PMFBP1: variants seen among roughly 807,000 people sequenced by gnomAD.
The protein encoded by PMFBP1 is polyamine modulated factor 1 binding protein 1.
PMFBP1 carries 131 observed loss-of-function variants against 137.8 expected under a neutral mutation model. That is an observed-to-expected ratio of 0.95 (90% confidence interval 0.82 to 1.10). PMFBP1 has a LOEUF of 1.10. Among genes scored for constraint, PMFBP1 ranks in the 50% least tolerant of loss-of-function variants. The pLI is 0.00. For synonymous variants in PMFBP1, 490 were observed against 450.4 expected (o/e 1.09, Z -1.11); for missense variants, 1,199 against 1,175.4 (o/e 1.02, Z -0.29).
At chr16:72,119,544 T>TA in intron 20 of PMFBP1, 190 bp from the exon 21 acceptor site, 1 of 1,461,870 alleles carries the variant, frequency 6.8e-7, no homozygotes, top group East Asian at 2.5e-5. Context: ...GGGGTGCTCT[T>TA]ACGGGGTTTC....
the PMFBP1 span, among the ~76,000 whole-genome samples, chr16:72,207,815 G>A: frequency 6.6e-6 from 1 of 151,668 alleles, no homozygotes; most frequent in Non-Finnish European, 1.5e-5. Context: ...TGAATATGAA[G>A]GCTAAGTCCC....
intron 3 of PMFBP1, among the ~76,000 whole-genome samples, chr16:72,161,629 A>G (rs1337206639): frequency 6.6e-6 from 1 of 152,134 alleles, no homozygotes; most frequent in Non-Finnish European, 1.5e-5. Flanking sequence ...GAGAGTTCCC[A>G]TATGTTCTTC....
chr16:72,210,055 T>C, the PMFBP1 span, among the ~76,000 whole-genome samples: 1 of 152,222 alleles, frequency 6.6e-6, no homozygotes, highest in Non-Finnish European at 1.5e-5. Flanking sequence ...CTTGTTCTCA[T>C]ACCCCTGTCT....
At chr16:72,198,246 C>A in the PMFBP1 span, among the ~76,000 whole-genome samples, 1 of 152,152 alleles carries the variant, frequency 6.6e-6, no homozygotes, top group South Asian at 2.1e-4. Context: ...AATACTAACA[C>A]ATCATAGAGT....
the PMFBP1 span, among the ~76,000 whole-genome samples, chr16:72,244,607 A>C: frequency 6.6e-6 from 1 of 152,204 alleles, no homozygotes; most frequent in Admixed American, 6.5e-5. Flanking sequence ...GTTAAGACAA[A>C]GGGCCACATC....
intron 2 of PMFBP1, among the ~76,000 whole-genome samples, chr16:72,169,224 A>G (rs866520438): frequency 6.6e-6 from 1 of 152,180 alleles, no homozygotes; most frequent in Non-Finnish European, 1.5e-5. Context: ...TTTAACCACC[A>G]CTAATATCAC....
rs144847522 is a variant in PMFBP1, at chr16:72,125,299, A to T, written c.2360T>A (p.Met787Lys). ...TCTTAATTCCGTATTGAGCTTTTTC[A>T]TCCTTTCCTCATAAGCAATGATTTC... ...EEEIIAYEER[M>K]KKLNTELRKL... Residue 787 changes from methionine (M) to lysine (K), a missense_variant, in exon 16 of 21, where the codon ATG becomes AAG. Transcript: ENST00000237353. The T allele has an allele frequency of 4.3e-6, 7 of 1,613,994 alleles. No homozygotes were observed. In the South Asian group the frequency reaches 6.6e-5, roughly 15 times the overall value.
rs1379863745 is a variant in PMFBP1 at position 72,136,748 on chromosome 16, C to A, written c.990G>T (p.Lys330Asn). The A allele has an allele frequency of 6.2e-6, 10 of 1,614,204 alleles. No individual in the cohort carries two copies. Among genetic ancestry groups the A allele is most frequent in the Non-Finnish European group, 1.7e-6 (2 of 1,180,030 alleles). ...LHVEEYQNLV[K>N]DLRVELEAVS... ...CGGCCTCTAGTTCCACGCGCAGATCCTTCACCAGGTTCTGGTACTCCTCCA... is the reference window on the plus strand; with the variant it reads ...CGGCCTCTAGTTCCACGCGCAGATCATTCACCAGGTTCTGGTACTCCTCCA... Residue 330 changes from lysine (K) to asparagine (N), a missense_variant, in exon 8 of 21, where the codon AAG becomes AAT. Lys to Asn is a moderately conservative substitution (Grantham distance 94). Transcript: ENST00000237353.
chr16:72,222,987 G>A, the PMFBP1 span, among the ~76,000 whole-genome samples: 1 of 152,120 alleles, frequency 6.6e-6, no homozygotes, highest in African/African-American at 2.4e-5. Flanking sequence ...AAAAAGGGGA[G>A]TGAATAATCT....
the PMFBP1 span, among the ~76,000 whole-genome samples, chr16:72,215,956 ATC>A: frequency 6.6e-6 from 1 of 152,186 alleles, no homozygotes; most frequent in Non-Finnish European, 1.5e-5. Flanking sequence ...CTGTTCACCA[ATC>A]TCTCTCTTCT....
At chr16:72,164,526 C>A (rs750351747) in intron 3 of PMFBP1, 6 of 1,394,386 alleles carry the variant, frequency 4.3e-6, no homozygotes, top group Non-Finnish European at 4.9e-6. Flanking sequence ...AGGAAAACAT[C>A]GTGCCTAGGA....
upstream of PMFBP1, among the ~76,000 whole-genome samples, chr16:72,181,151 A>G (rs2043275037): frequency 6.6e-6 from 1 of 151,878 alleles, no homozygotes; most frequent in Non-Finnish European, 1.5e-5. Flanking sequence ...AGGCAGGAGA[A>G]TCGCTTGAAC....
At chr16:72,132,508 C>G (rs1386658484) in intron 10 of PMFBP1, among the ~76,000 whole-genome samples, 1 of 152,184 alleles carries the variant, frequency 6.6e-6, no homozygotes, top group African/African-American at 2.4e-5. Context: ...TCAGGCAAGA[C>G]TGCTGGGAGA....
intron 3 of PMFBP1, among the ~76,000 whole-genome samples, chr16:72,162,860 A>T (rs140321343): frequency 1.8e-4 from 28 of 152,366 alleles, no homozygotes; most frequent in African/African-American, 5.3e-4. Flanking sequence ...CTAAAATGTT[A>T]ATATTTAGAA....
At chr16:72,186,630 A>C in the PMFBP1 span, among the ~76,000 whole-genome samples, 2 of 152,212 alleles carry the variant, frequency 1.3e-5, no homozygotes, top group Non-Finnish European at 2.9e-5. Context: ...CCGAATAGAC[A>C]GAGAGAGGAA....
chr16:72,186,876 G>A, the PMFBP1 span, among the ~76,000 whole-genome samples: 1 of 152,026 alleles, frequency 6.6e-6, no homozygotes, highest in Non-Finnish European at 1.5e-5. Flanking sequence ...ACTTTGGGAG[G>A]CCTCAGTGGG....
At chr16:72,168,158 C>A (rs1467033556) in intron 2 of PMFBP1, among the ~76,000 whole-genome samples, 3 of 152,064 alleles carry the variant, frequency 2.0e-5, no homozygotes, top group Middle Eastern at 6.3e-3. Context: ...AGTTGAATAA[C>A]AAATATGTTT....
the PMFBP1 span, among the ~76,000 whole-genome samples, chr16:72,205,089 G>T: frequency 1.3e-5 from 2 of 152,192 alleles, no homozygotes; most frequent in Admixed American, 6.5e-5. Flanking sequence ...CATCCTCAGT[G>T]TGTCTAGGCT....
intron 5 of PMFBP1, among the ~76,000 whole-genome samples, chr16:72,141,664 T>C (rs2042725167): frequency 6.6e-6 from 1 of 152,230 alleles, no homozygotes; most frequent in Non-Finnish European, 1.5e-5. Context: ...AATGTGTTGA[T>C]CTGGTTTCCT....
Sources: allele counts gnomAD v4.1 joint callset (sites outside exome capture counted in the v4.1 genomes callset), GRCh38; gene constraint gnomAD v4.1.1; transcripts MANE v1.5; gene names NCBI Gene and HGNC (gene_info 2026-07-23, HGNC 2026-07-21).